NUP107: variants seen among roughly 807,000 people sequenced by gnomAD.
The protein encoded by NUP107 is nuclear pore complex protein Nup107.
Under a neutral mutation model 141.0 loss-of-function variants are expected in NUP107, and 101 were observed. That is an observed-to-expected ratio of 0.72 (90% CI 0.61 to 0.84). NUP107 has a LOEUF of 0.84. NUP107 is among the 40% of genes least tolerant of loss of function. NUP107 has a pLI of 0.00. For synonymous variants in NUP107, 319 were observed against 363.9 expected, an observed-to-expected ratio of 0.88 and a Z score of 1.41; for missense variants, 941 against 1,102.7, an observed-to-expected ratio of 0.85 and a Z score of 2.08.
At chr12:68,728,334 G>A (rs1024233971) in intron 20 of NUP107, among the ~76,000 whole-genome samples, 2 of 149,374 alleles carry the variant, frequency 1.3e-5, no homozygotes, top group Non-Finnish European at 3.0e-5. Context: ...GCTTGCGCCT[G>A]TAATCCCAGC....
intron 20 of NUP107, among the ~76,000 whole-genome samples, chr12:68,730,198 T>C (rs1204798560): frequency 6.9e-6 from 1 of 143,990 alleles, no homozygotes; most frequent in Non-Finnish European, 1.5e-5. Flanking sequence ...ACTCCTGCCC[T>C]CAGGGGTGAT....
intron 12 of NUP107, 50 bp from the exon 13 acceptor site, chr12:68,719,291 C>G (rs776562465): frequency 7.3e-7 from 1 of 1,379,116 alleles, no homozygotes; most frequent in Admixed American, 1.8e-5. Flanking sequence ...TTATACTTTA[C>G]TATAAAGCAC....
At chr12:68,709,482 T>C (rs1169525400) in intron 9 of NUP107, among the ~76,000 whole-genome samples, 173 bp downstream of exon 9, 8 of 152,196 alleles carry the variant, frequency 5.3e-5, no homozygotes, top group Admixed American at 2.0e-4. Context: ...TTTTAAGTAA[T>C]AGCCCTAGTA....
chr12:68,718,780 AAAAG>A (rs1196282156), intron 12 of NUP107, among the ~76,000 whole-genome samples: 5 of 152,302 alleles, frequency 3.3e-5, no homozygotes, highest in South Asian at 2.1e-4. Flanking sequence ...AAAAATTTAA[AAAAG>A]AAAGAAAAAT....
At chr12:68,717,372 T>TCAAGTATA (rs1031123929) in intron 12 of NUP107, among the ~76,000 whole-genome samples, 4 of 152,158 alleles carry the variant, frequency 2.6e-5, no homozygotes, top group Non-Finnish European at 5.9e-5. Context: ...TACTATACAT[T>TCAAGTATA]CAAGTTTTTT....
intron 6 of NUP107, among the ~76,000 whole-genome samples, chr12:68,698,264 A>G (rs1203000897): frequency 6.6e-6 from 1 of 152,130 alleles, no homozygotes; most frequent in Non-Finnish European, 1.5e-5. Context: ...AAAAACAAAC[A>G]AAAAAAGAAA....
chr12:68,696,735 A>G, intron 5 of NUP107, 84 bp from the exon 6 acceptor site: 1 of 750,808 alleles, frequency 1.3e-6, no homozygotes, highest in Non-Finnish European at 2.1e-6. Context: ...AAACAAATAA[A>G]TACATTTTCA....
intron 26 of NUP107, among the ~76,000 whole-genome samples, chr12:68,736,327 AAG>A (rs1353006659): frequency 6.6e-6 from 1 of 152,266 alleles, no homozygotes; most frequent in Admixed American, 6.5e-5. Flanking sequence ...AAGGAGGAAA[AAG>A]AATACAGGCA....
chr12:68,689,094 A>T (rs1229061851), intron 2 of NUP107, 41 bp downstream of exon 2: 3 of 1,474,664 alleles, frequency 2.0e-6, no homozygotes, highest in Non-Finnish European at 1.9e-6. Flanking sequence ...AAATTGTAAC[A>T]TGTTTGGAAT....
chr12:68,722,209 TG>T, intron 17 of NUP107, 57 bp downstream of exon 17: 1 of 1,411,374 alleles, frequency 7.1e-7, no homozygotes, highest in South Asian at 1.3e-5. Flanking sequence ...GTTATTCTAT[TG>T]TGCACTGTAG....
At chr12:68,690,105 G>A (rs763812253) in intron 3 of NUP107, among the ~76,000 whole-genome samples, 14 of 151,768 alleles carry the variant, frequency 9.2e-5, no homozygotes, top group African/African-American at 3.1e-4. Context: ...GCTTGAACCC[G>A]GAAGGCAGAG....
intron 10 of NUP107, among the ~76,000 whole-genome samples, chr12:68,712,883 A>C (rs899335870): frequency 3.3e-5 from 5 of 151,862 alleles, no homozygotes; most frequent in African/African-American, 1.2e-4. Flanking sequence ...TGGCTCCCTC[A>C]CTCCATACCC....
chr12:68,736,992 T>G (rs1337403467), intron 26 of NUP107, among the ~76,000 whole-genome samples: 2 of 152,026 alleles, frequency 1.3e-5, no homozygotes, highest in Non-Finnish European at 2.9e-5. Context: ...CGTGAGCCAC[T>G]GCGCCCAGCC....
At chr12:68,710,992 C>T (rs1407737876) in intron 10 of NUP107, among the ~76,000 whole-genome samples, 2 of 152,122 alleles carry the variant, frequency 1.3e-5, no homozygotes, top group Non-Finnish European at 2.9e-5. Flanking sequence ...CGCTGTGGTT[C>T]ACACCTGTAA....
chr12:68,709,192 C>T (rs1292659262), intron 8 of NUP107, 46 bp from the exon 9 acceptor site: 1 of 1,191,954 alleles, frequency 8.4e-7, no homozygotes, highest in Non-Finnish European at 1.2e-6. Flanking sequence ...TTCTTAACAG[C>T]ATCTTCTTTT....
At chr12:68,725,887 A>G (rs1244668471) in intron 18 of NUP107, 91 bp downstream of exon 18, 3 of 667,798 alleles carry the variant, frequency 4.5e-6, no homozygotes, top group Non-Finnish European at 7.5e-6. Flanking sequence ...CCCAGACTGG[A>G]GTGCAGTGGC....
chr12:68,735,427 G>A (rs1418733794), intron 26 of NUP107, 83 bp downstream of exon 26: 4 of 938,298 alleles, frequency 4.3e-6, no homozygotes, highest in Non-Finnish European at 7.0e-6. Flanking sequence ...CTAAATGGGA[G>A]CATCTACAGA....
At chr12:68,687,203 C>T in intron 1 of NUP107, 130 bp downstream of exon 1, 1 of 1,318,340 alleles carries the variant, frequency 7.6e-7, no homozygotes, top group South Asian at 1.3e-5. Context: ...GGCTCCTTCC[C>T]CATGCCGGGA....
At chr12:68,730,979 TATAAA>T (rs1192718805) in intron 20 of NUP107, 126 bp from the exon 21 acceptor site, 2 of 562,666 alleles carry the variant, frequency 3.6e-6, no homozygotes, top group African/African-American at 1.9e-5. Flanking sequence ...AACAAATAAA[TATAAA>T]ATAAAATTAT....
Sources: allele counts gnomAD v4.1 joint callset (sites outside exome capture counted in the v4.1 genomes callset), GRCh38; gene constraint gnomAD v4.1.1; transcripts MANE v1.5; gene names NCBI Gene and HGNC (gene_info 2026-07-23, HGNC 2026-07-21).